The following EYS variants were observed in gnomAD, a reference collection of about 807,000 sequenced individuals.
EYS encodes the protein EGF-like photoreceptor maintenance factor.
In EYS, 250 loss-of-function variants were observed where a neutral mutation model predicts 282.1. The observed-to-expected ratio is 0.89, with a 90% CI of 0.80 to 0.98. EYS has a LOEUF of 0.98. EYS is among the 50% of genes least tolerant of loss of function. The probability of loss-of-function intolerance (pLI) is 0.00; values close to 1 mark genes in which losing one functional copy is unlikely to be tolerated. For synonymous variants in EYS, 1,355 were observed against 1,282.9 expected (o/e 1.06, Z -1.20); for missense variants, 4,016 against 3,709.0 (o/e 1.08, Z -2.15).
chr6:65,459,817 T>A (rs548636803), intron 5 of EYS, among the ~76,000 whole-genome samples: 1 of 150,906 alleles, frequency 6.6e-6, no homozygotes, highest in East Asian at 1.9e-4. Context: ...ACAGTCATAG[T>A]ATGATAAATT....
At position 64,965,275 on chromosome 6, in the gene EYS, G is replaced by A. The variant is rs374328374; in HGVS notation, c.2260-19361C>T. On this transcript the variant is annotated intron_variant, in intron 14 of 42. Coordinates refer to ENST00000503581, the MANE Select transcript of EYS (RefSeq NM_001142800.2). ...ACAAAATATTCCTGCTTGAATGCTT[G>A]TCTGAAAATTACTATAATGTCCATA... Among the ~76,000 whole-genome samples the A allele has an allele frequency of 2.1e-4, 32 of 151,986 alleles. No homozygotes were observed. The South Asian group carries it at 6.6e-3, about 32-fold the overall frequency.
chr6:65,429,122 G>A (rs1248068053), intron 5 of EYS, among the ~76,000 whole-genome samples: 2 of 151,910 alleles, frequency 1.3e-5, no homozygotes, highest in Non-Finnish European at 2.9e-5. Context: ...GGGGGTTGTA[G>A]TGAGTGGAGA....
chr6:65,273,443 G>T (rs542917341), intron 12 of EYS, among the ~76,000 whole-genome samples: 15 of 151,746 alleles, frequency 9.9e-5, no homozygotes, highest in South Asian at 2.1e-4. Flanking sequence ...CAAGGCAAGG[G>T]TTACAAAGAA....
chr6:64,793,341 C>T (rs111985609), intron 22 of EYS, among the ~76,000 whole-genome samples: 293 of 152,058 alleles, frequency 1.9e-3, no homozygotes, highest in African/African-American at 6.4e-3. Flanking sequence ...AATTTGATAG[C>T]TAAAGTCTCA....
intron 36 of EYS, among the ~76,000 whole-genome samples, chr6:63,829,418 C>A (rs549769728): frequency 6.6e-6 from 1 of 152,294 alleles, no homozygotes; most frequent in South Asian, 2.1e-4. Context: ...AGATTATATC[C>A]CACACCTGGA....
At chr6:64,577,814 T>C (rs1562071816) in intron 26 of EYS, among the ~76,000 whole-genome samples, 1 of 152,250 alleles carries the variant, frequency 6.6e-6, no homozygotes, top group East Asian at 1.9e-4. Flanking sequence ...GAGACAGTTT[T>C]ATAGCTGATA....
intron 5 of EYS, among the ~76,000 whole-genome samples, chr6:65,410,529 C>G (rs1766945842): frequency 6.6e-6 from 1 of 151,462 alleles, no homozygotes. Flanking sequence ...TGACAAACCT[C>G]TACCCATTTT....
chr6:64,349,178 C>T (rs1771524284), intron 29 of EYS, among the ~76,000 whole-genome samples: 1 of 151,180 alleles, frequency 6.6e-6, no homozygotes, highest in South Asian at 2.1e-4. Flanking sequence ...TACAAGAAAA[C>T]TTTGAAAAGC....
At chr6:64,748,220 GTAA>G (rs1772618635) in intron 22 of EYS, among the ~76,000 whole-genome samples, 1 of 152,216 alleles carries the variant, frequency 6.6e-6, no homozygotes, top group Non-Finnish European at 1.5e-5. Context: ...TACAATAAAT[GTAA>G]TAATAAACAC....
At chr6:65,142,784 T>C (rs1025484059) in intron 12 of EYS, among the ~76,000 whole-genome samples, 2 of 152,006 alleles carry the variant, frequency 1.3e-5, no homozygotes, top group African/African-American at 4.8e-5. Flanking sequence ...ATGGTATTTT[T>C]CCTGACTTCT....
At chr6:64,430,010 T>C (rs1014343093) in intron 28 of EYS, among the ~76,000 whole-genome samples, 6 of 152,190 alleles carry the variant, frequency 3.9e-5, no homozygotes, top group Non-Finnish European at 5.9e-5. Flanking sequence ...TTTTGGAAAG[T>C]AGTTAAATAG....
chr6:64,295,783 T>C (rs1279368353), intron 30 of EYS, among the ~76,000 whole-genome samples: 1 of 151,628 alleles, frequency 6.6e-6, no homozygotes, highest in Non-Finnish European at 1.5e-5. Flanking sequence ...GCTAACAGCA[T>C]TTGTTGCCAA....
intron 15 of EYS, among the ~76,000 whole-genome samples, chr6:64,944,519 A>G (rs562568131): frequency 6.6e-6 from 1 of 152,074 alleles, no homozygotes; most frequent in Non-Finnish European, 1.5e-5. Context: ...GCACTGTGGA[A>G]AGCCGTAGGG....
intron 22 of EYS, among the ~76,000 whole-genome samples, chr6:64,726,841 C>T (rs1450794692): frequency 1.3e-5 from 2 of 152,124 alleles, no homozygotes; most frequent in Admixed American, 1.3e-4. Context: ...TCCATAGAAA[C>T]ATAATGTTCC....
chr6:65,429,009 A>C (rs1426610006), intron 5 of EYS, among the ~76,000 whole-genome samples: 3 of 151,366 alleles, frequency 2.0e-5, no homozygotes, highest in Non-Finnish European at 4.4e-5. Flanking sequence ...ATGGAGAAAC[A>C]CTCTCTACTA....
intron 22 of EYS, among the ~76,000 whole-genome samples, chr6:64,750,846 G>C (rs776417421): frequency 1.3e-5 from 2 of 152,150 alleles, no homozygotes; most frequent in African/African-American, 4.8e-5. Flanking sequence ...CATGCATGGA[G>C]GCATTCGGCT....
chr6:64,159,322 A>G (rs1298351289), intron 31 of EYS, among the ~76,000 whole-genome samples: 5 of 152,098 alleles, frequency 3.3e-5, no homozygotes, highest in Admixed American at 3.3e-4. Flanking sequence ...GCACTTTGGG[A>G]GGCCGAGGCA....
At chr6:65,395,476 A>G (rs1013251772) in intron 7 of EYS, among the ~76,000 whole-genome samples, 1 of 152,168 alleles carries the variant, frequency 6.6e-6, no homozygotes, top group Non-Finnish European at 1.5e-5. Flanking sequence ...ATAGTGTGAA[A>G]TGATTATCCT....
At chr6:65,265,854 T>C (rs1280522285) in intron 12 of EYS, among the ~76,000 whole-genome samples, 1 of 151,936 alleles carries the variant, frequency 6.6e-6, no homozygotes, top group African/African-American at 2.4e-5. Flanking sequence ...TATTTTCTAA[T>C]CTGTAAAATG....
Sources: gnomAD v4.1 joint callset for allele counts (sites outside exome capture counted in the v4.1 genomes callset) on GRCh38, gnomAD v4.1.1 for gene constraint, MANE v1.5 for transcripts, NCBI Gene and HGNC (gene_info 2026-07-23, HGNC 2026-07-21) for gene names.